Variants in NINL observed in about 807,000 individuals in gnomAD.
NINL encodes ninein-like protein.
In NINL, 153 loss-of-function variants were observed where a neutral mutation model predicts 160.3. That is an observed-to-expected ratio of 0.95 (90% CI 0.84 to 1.09). NINL has a LOEUF of 1.09. Among genes scored for constraint, NINL ranks in the 50% least tolerant of loss-of-function variants. The pLI is 0.00. For synonymous variants in NINL, 800 were observed against 734.8 expected, an observed-to-expected ratio of 1.09 and a Z score of -1.43; for missense variants, 1,829 against 1,764.0, an observed-to-expected ratio of 1.04 and a Z score of -0.66.
At chr20:25,526,661 A>T in intron 1 of NINL, 63 bp from the exon 2 acceptor site, 1 of 1,509,554 alleles carries the variant, frequency 6.6e-7, no homozygotes, top group Non-Finnish European at 9.1e-7. Flanking sequence ...TCCCATTCCC[A>T]CACTGCCGGT....
chr20:25,461,983 C>T (rs558392301), intron 20 of NINL, among the ~76,000 whole-genome samples: 7 of 152,300 alleles, frequency 4.6e-5, no homozygotes, highest in African/African-American at 1.4e-4. Flanking sequence ...GTTGGTGACT[C>T]GGCCGATTTC....
chr20:25,512,905 C>T lies in NINL; in HGVS notation c.379G>A (p.Val127Met), dbSNP rs761617448. The T allele has an allele frequency of 1.7e-5, 28 of 1,614,084 alleles. No individual in the cohort carries two copies. The highest frequency in any genetic ancestry group is 1.0e-4 in the Admixed American group (6 of 60,008). Reference protein sequence around the residue: ...LCDAATEARRVPEQQTQASLK... With the variant: ...LCDAATEARRMPEQQTQASLK... ...CTGGCCTGGGTTTGCTGCTCCGGCA[C>T]GCGTCTGGCTTCTGTGGCAGCGTCA... The change falls in exon 4 of 24, where the codon GTG becomes ATG. Residue 127 changes from valine (V) to methionine (M), a missense_variant. Val to Met is a conservative substitution (Grantham distance 21). Transcript: ENST00000278886.
At chr20:25,578,288 G>T (rs1325266711) in intron 1 of NINL, among the ~76,000 whole-genome samples, 1 of 149,868 alleles carries the variant, frequency 6.7e-6, no homozygotes, top group Admixed American at 6.7e-5. Flanking sequence ...TTCTATTTTT[G>T]GTAGAGACGG....
At chr20:25,532,700 AGT>A (rs2064487071) in intron 1 of NINL, among the ~76,000 whole-genome samples, 1 of 152,232 alleles carries the variant, frequency 6.6e-6, no homozygotes, top group African/African-American at 2.4e-5. Flanking sequence ...CAAGCAGGTG[AGT>A]CAGACACAGC....
At chr20:25,568,280 G>C (rs999552253) in intron 1 of NINL, among the ~76,000 whole-genome samples, 42 of 151,046 alleles carry the variant, frequency 2.8e-4, no homozygotes, top group African/African-American at 1.0e-3. Context: ...AGAGAGAATT[G>C]TATCTTTACA....
chr20:25,491,587 A>C, intron 10 of NINL, 62 bp from the exon 11 acceptor site: 2 of 1,556,128 alleles, frequency 1.3e-6, no homozygotes, highest in African/African-American at 1.4e-5. Flanking sequence ...GGCCCACGCC[A>C]CCCCCTTCCT....
chr20:25,482,133 A>G, intron 13 of NINL, 33 bp from the exon 14 acceptor site: 3 of 1,578,608 alleles, frequency 1.9e-6, no homozygotes, highest in Non-Finnish European at 2.6e-6. Flanking sequence ...CTCCTCTAGC[A>G]GCTGCAGCCA....
intron 21 of NINL, among the ~76,000 whole-genome samples, chr20:25,460,541 GA>G (rs2062757640): frequency 1.3e-5 from 2 of 152,140 alleles, no homozygotes; most frequent in Admixed American, 6.5e-5. Flanking sequence ...CAAAGGACTC[GA>G]ACTGGCCCAG....
intron 1 of NINL, among the ~76,000 whole-genome samples, chr20:25,570,220 A>G (rs757739434): frequency 9.9e-5 from 15 of 152,136 alleles, no homozygotes; most frequent in Non-Finnish European, 1.8e-4. Context: ...AAGAATTCAT[A>G]TAGACACCAA....
chr20:25,476,365 G>A lies in NINL; in HGVS notation c.2926C>T (p.Gln976Ter), dbSNP rs778925916. Reference sequence around the variant, plus strand: ...CGTGCTCGCTCTTCCTGAATGGCCTGTAGCCTCTCAGCCTGTCCCCTGCAC... The same window carrying A: ...CGTGCTCGCTCTTCCTGAATGGCCTATAGCCTCTCAGCCTGTCCCCTGCAC... Reference protein sequence around the residue: ...ASCRGQAERLQAIQEERARSW... With the variant: ...ASCRGQAERL Residue 976 changes from glutamine (Q) to a stop codon, truncating the protein, a stop_gained, in exon 17 of 24, where the codon CAG becomes TAG. Transcript: ENST00000278886. LOFTEE classifies it high-confidence loss of function. 6 of 1,611,690 alleles carry A rather than the reference G, an allele frequency of 3.7e-6. No individual in the cohort carries two copies. The highest frequency in any genetic ancestry group is 3.4e-6 in the Non-Finnish European group (4 of 1,179,704).
At chr20:25,502,267 C>T (rs769076288) in intron 7 of NINL, among the ~76,000 whole-genome samples, 1 of 152,304 alleles carries the variant, frequency 6.6e-6, no homozygotes, top group South Asian at 2.1e-4. Context: ...CAGACGTGAG[C>T]CACCATGCCC....
chr20:25,477,369 G>A (rs1339478576), intron 16 of NINL, among the ~76,000 whole-genome samples: 1 of 152,218 alleles, frequency 6.6e-6, no homozygotes, highest in Non-Finnish European at 1.5e-5. Flanking sequence ...CCGCCACCAT[G>A]CAGGACCTGG....
At chr20:25,551,288 C>T (rs1404445438) in intron 1 of NINL, among the ~76,000 whole-genome samples, 2 of 152,028 alleles carry the variant, frequency 1.3e-5, no homozygotes, top group Non-Finnish European at 1.5e-5. Context: ...CTTCCATTTT[C>T]TACATAGACA....
chr20:25,580,903 A>G (rs2065167066), intron 1 of NINL, among the ~76,000 whole-genome samples: 1 of 152,194 alleles, frequency 6.6e-6, no homozygotes, highest in Admixed American at 6.5e-5. Flanking sequence ...CTAAACTCAA[A>G]CCTAGATTCC....
intron 14 of NINL, among the ~76,000 whole-genome samples, chr20:25,481,159 A>G (rs1297346352): frequency 1.3e-5 from 2 of 152,118 alleles, no homozygotes; most frequent in Non-Finnish European, 2.9e-5. Flanking sequence ...GAGAACTCTG[A>G]AGTTCTCCCG....
intron 8 of NINL, chr20:25,498,882 A>G (rs1047959783): frequency 1.0e-6 from 1 of 982,320 alleles, no homozygotes; most frequent in African/African-American, 1.7e-5. Context: ...AGAATACACT[A>G]ATAAACTTCA....
intron 13 of NINL, among the ~76,000 whole-genome samples, chr20:25,486,439 A>G (rs1359936857): frequency 6.6e-6 from 1 of 152,232 alleles, no homozygotes; most frequent in African/African-American, 2.4e-5. Flanking sequence ...AAAGGAATCT[A>G]TTAATGGAAG....
intron 3 of NINL, among the ~76,000 whole-genome samples, chr20:25,517,025 G>A (rs1175175619): frequency 6.6e-6 from 1 of 152,012 alleles, no homozygotes; most frequent in Non-Finnish European, 1.5e-5. Context: ...TTTCTATGAG[G>A]GTTAAATGGA....
At position 25,510,692 on chromosome 20, in the gene NINL, C is replaced by T. The variant is rs1181335081; in HGVS notation, c.499G>A (p.Glu167Lys). The T allele has an allele frequency of 6.2e-7, 1 of 1,613,918 alleles. No homozygotes were observed. The highest frequency in any genetic ancestry group is 1.7e-5 in the Admixed American group (1 of 60,024). ...EAESTKEAQN[E>K]LFEAQGQLQT... ...GCTTTACCTTGTGCTTCAAATAATT[C>T]ATTCTGAGCTTCTTTAGTGCTCTCG... Residue 167 changes from glutamate to lysine, a missense_variant, in exon 5 of 24, where the codon GAA (glutamate) becomes AAA (lysine). By Grantham distance (56) the Glu-to-Lys change is moderately conservative (BLOSUM62 1). Transcript: ENST00000278886.
Sources: allele counts gnomAD v4.1 joint callset (sites outside exome capture counted in the v4.1 genomes callset), GRCh38; gene constraint gnomAD v4.1.1; transcripts MANE v1.5; gene names NCBI Gene and HGNC (gene_info 2026-07-23, HGNC 2026-07-21).